Variants in IRAK1BP1 observed in about 807,000 individuals in gnomAD.
IRAK1BP1 encodes the protein interleukin 1 receptor associated kinase 1 binding protein 1, also known as interleukin-1 receptor-associated kinase 1-binding protein 1.
In IRAK1BP1, 24 loss-of-function variants were observed where a neutral mutation model predicts 28.0. The observed-to-expected ratio is 0.86, with a 90% CI of 0.62 to 1.20. The LOEUF is 1.20. Ranked by LOEUF, IRAK1BP1 falls within the 50% of genes most tolerant of loss-of-function variation. The pLI is 0.00. For missense variants in IRAK1BP1, 336 were observed against 316.7 expected (o/e 1.06, Z -0.46); for synonymous variants, 131 against 116.3 (o/e 1.13, Z -0.81).
At chr6:78,886,750 G>A (rs1244967709) in intron 2 of IRAK1BP1, among the ~76,000 whole-genome samples, 1 of 152,200 alleles carries the variant, frequency 6.6e-6, no homozygotes, top group Non-Finnish European at 1.5e-5. Context: ...CCACTGAGTT[G>A]TCCTAGGAAC....
chr6:78,948,958 A>G (rs536375045), downstream of IRAK1BP1, among the ~76,000 whole-genome samples: 31 of 152,252 alleles, frequency 2.0e-4, no homozygotes, highest in South Asian at 6.4e-3. Context: ...CTTCCTTTCC[A>G]ATAGTTATGC....
chr6:78,881,353 A>G (rs1460041240), intron 1 of IRAK1BP1, among the ~76,000 whole-genome samples: 1 of 152,190 alleles, frequency 6.6e-6, no homozygotes, highest in African/African-American at 2.4e-5. Context: ...TTAGTGGTTA[A>G]CAATCTGTTG....
At chr6:78,887,392 G>A (rs1387796373) in intron 2 of IRAK1BP1, among the ~76,000 whole-genome samples, 1 of 152,012 alleles carries the variant, frequency 6.6e-6, no homozygotes, top group Non-Finnish European at 1.5e-5. Flanking sequence ...TTGGCTGGGC[G>A]CGATGGCTCT....
chr6:78,945,437 G>T lies in IRAK1BP1; in HGVS notation c.*97G>T, dbSNP rs749542883. 35 of 1,611,206 alleles carry T rather than the reference G, an allele frequency of 2.2e-5. No individual in the cohort carries two copies. The highest frequency in any genetic ancestry group is 2.7e-5 in the Non-Finnish European group (32 of 1,177,548). On this transcript the variant is annotated 3_prime_UTR_variant and NMD_transcript_variant, in exon 5 of 5. Coordinates refer to the IRAK1BP1 transcript ENST00000606868. The stretch of plus-strand genomic sequence containing the variant: ...ATTCCTAGTGCCATGACTAAAACTG[G>T]ATTGACCAGGACTGGAAAGAGTATT...
chr6:78,937,550 T>C (rs1773321903), intron 4 of IRAK1BP1: 1 of 151,748 alleles, frequency 6.6e-6, no homozygotes, highest in African/African-American at 2.4e-5. Flanking sequence ...AAGTCTCAGA[T>C]GTTACCTAAT....
the IRAK1BP1 span, among the ~76,000 whole-genome samples, chr6:78,965,351 A>G: frequency 2.0e-5 from 3 of 152,210 alleles, no homozygotes; most frequent in Non-Finnish European, 2.9e-5. Context: ...GTCTCACTCA[A>G]AAGCATGACC....
chr6:78,974,726 C>G, the IRAK1BP1 span, among the ~76,000 whole-genome samples: 1 of 152,086 alleles, frequency 6.6e-6, no homozygotes, highest in Non-Finnish European at 1.5e-5. Flanking sequence ...AAACTACCAT[C>G]AGAGAATACT....
intron 4 of IRAK1BP1, among the ~76,000 whole-genome samples, chr6:78,916,129 T>C (rs970964650): frequency 9.2e-5 from 14 of 152,178 alleles, no homozygotes; most frequent in African/African-American, 2.4e-4. Context: ...CATTGGTTAT[T>C]TTGTGTACCT....
intron 4 of IRAK1BP1, among the ~76,000 whole-genome samples, chr6:78,911,190 C>G (rs1772408116): frequency 6.6e-6 from 1 of 152,068 alleles, no homozygotes; most frequent in Non-Finnish European, 1.5e-5. Flanking sequence ...GCCACCTCCC[C>G]CGCAAATTAC....
chr6:78,941,613 T>A (rs1388832764), intron 4 of IRAK1BP1, among the ~76,000 whole-genome samples: 1 of 152,188 alleles, frequency 6.6e-6, no homozygotes, highest in African/African-American at 2.4e-5. Context: ...AAAGCTGGGA[T>A]GACTAAAGGT....
intron 1 of IRAK1BP1, among the ~76,000 whole-genome samples, chr6:78,872,648 G>C (rs571505097): frequency 7.4e-4 from 113 of 152,222 alleles, no homozygotes; most frequent in African/African-American, 2.7e-3. Context: ...TAAGATTTTG[G>C]AGCATTTTGG....
At chr6:78,872,039 C>G (rs1440549919) in intron 1 of IRAK1BP1, 1 of 679,698 alleles carries the variant, frequency 1.5e-6, no homozygotes, top group Non-Finnish European at 2.7e-6. Context: ...GCCCCAGCAG[C>G]CTTCATCTGA....
At chr6:78,891,985 AAG>A (rs1771680777) in intron 2 of IRAK1BP1, among the ~76,000 whole-genome samples, 1 of 152,200 alleles carries the variant, frequency 6.6e-6, no homozygotes, top group South Asian at 2.1e-4. Context: ...ATGAATATAT[AAG>A]ACTCATTCCG....
chr6:78,946,329 T>A, exon 5 of IRAK1BP1: 8 of 1,467,722 alleles, frequency 5.5e-6, no homozygotes, highest in Non-Finnish European at 7.3e-6. Flanking sequence ...GTTTATAATA[T>A]TTTTGGATTC....
the IRAK1BP1 span, among the ~76,000 whole-genome samples, chr6:78,973,834 A>C: frequency 6.6e-6 from 1 of 151,912 alleles, no homozygotes; most frequent in African/African-American, 2.4e-5. Flanking sequence ...AACTATCCTA[A>C]ATATATATGC....
chr6:78,943,174 T>A (rs1452650582), intron 4 of IRAK1BP1, among the ~76,000 whole-genome samples: 3 of 152,168 alleles, frequency 2.0e-5, no homozygotes, highest in African/African-American at 7.2e-5. Context: ...GTACAAAATT[T>A]AAAATTACAT....
At chr6:78,944,630 G>A (rs955638083) in intron 4 of IRAK1BP1, among the ~76,000 whole-genome samples, 6 of 152,152 alleles carry the variant, frequency 3.9e-5, no homozygotes, top group African/African-American at 1.4e-4. Flanking sequence ...GTTTACACGG[G>A]TAGATCCCAA....
chr6:78,963,186 T>C, the IRAK1BP1 span: 20 of 1,611,544 alleles, frequency 1.2e-5, no homozygotes, highest in South Asian at 1.7e-4. Context: ...AAGAGGTTTA[T>C]AGATTAGTGA....
chr6:78,921,701 G>A (rs752863183), intron 4 of IRAK1BP1, among the ~76,000 whole-genome samples: 21 of 152,252 alleles, frequency 1.4e-4, no homozygotes, highest in South Asian at 2.1e-4. Flanking sequence ...CACCTCACAC[G>A]GGCAGGTACT....
Sources: allele counts gnomAD v4.1 joint callset (sites outside exome capture counted in the v4.1 genomes callset), GRCh38; gene constraint gnomAD v4.1.1; transcripts MANE v1.5; gene names NCBI Gene and HGNC (gene_info 2026-07-23, HGNC 2026-07-21).